Variants in IL6R observed in about 807,000 individuals in gnomAD.
IL6R encodes interleukin 6 receptor.
IL6R carries 38 observed loss-of-function variants against 48.3 expected under a neutral mutation model. The observed-to-expected ratio is 0.79, with a 90% CI of 0.61 to 1.03. IL6R has a LOEUF of 1.03. Among genes scored for constraint, IL6R ranks in the 50% least tolerant of loss-of-function variants. The pLI is 0.00. For synonymous variants in IL6R, 264 were observed against 256.2 expected (o/e 1.03, Z -0.29); for missense variants, 534 against 618.3 (o/e 0.86, Z 1.45).
chr1:154,427,014 G>A (rs771859835), intron 1 of IL6R, among the ~76,000 whole-genome samples: 4 of 151,858 alleles, frequency 2.6e-5, no homozygotes, highest in African/African-American at 9.7e-5. Flanking sequence ...CGCCTCCCTG[G>A]TTCAAGCAAT....
intron 1 of IL6R, among the ~76,000 whole-genome samples, chr1:154,411,095 G>C (rs1263832913): frequency 6.6e-6 from 1 of 152,174 alleles, no homozygotes; most frequent in Non-Finnish European, 1.5e-5. Flanking sequence ...CAGAGTCTCT[G>C]TCTCCCAGGC....
At chr1:154,439,408 G>C (rs901397736) in intron 6 of IL6R, among the ~76,000 whole-genome samples, 1 of 152,092 alleles carries the variant, frequency 6.6e-6, no homozygotes, top group East Asian at 1.9e-4. Context: ...TCTGCCTCCC[G>C]GGTTCAAGCA....
chr1:154,422,682 C>G (rs970504638), intron 1 of IL6R, among the ~76,000 whole-genome samples: 1 of 152,206 alleles, frequency 6.6e-6, no homozygotes, highest in Non-Finnish European at 1.5e-5. Flanking sequence ...ACAAATGCTC[C>G]GTTGATTGTG....
intron 6 of IL6R, among the ~76,000 whole-genome samples, chr1:154,442,437 A>G (rs1689988878): frequency 6.6e-6 from 1 of 152,098 alleles, no homozygotes; most frequent in African/African-American, 2.4e-5. Context: ...GGTGAGGCCG[A>G]CACGTGTGTG....
chr1:154,427,833 A>G (rs1689062705), intron 1 of IL6R, among the ~76,000 whole-genome samples: 2 of 152,134 alleles, frequency 1.3e-5, no homozygotes, highest in Admixed American at 6.5e-5. Context: ...ACAGCCTGCC[A>G]AGTATGAGAT....
intron 1 of IL6R, chr1:154,418,577 GA>G (rs1688484495): frequency 4.8e-6 from 1 of 209,550 alleles, no homozygotes; most frequent in Non-Finnish European, 8.3e-6. Context: ...CTGAGTCAGA[GA>G]AGGTTGCTGG....
chr1:154,407,339 C>T (rs1233471573), intron 1 of IL6R, among the ~76,000 whole-genome samples: 2 of 152,212 alleles, frequency 1.3e-5, no homozygotes, highest in Non-Finnish European at 2.9e-5. Context: ...CCTGTTGCTC[C>T]TGAGTGGATG....
At chr1:154,455,234 G>A (rs1690803602) in intron 9 of IL6R, among the ~76,000 whole-genome samples, 1 of 151,180 alleles carries the variant, frequency 6.6e-6, no homozygotes, top group Non-Finnish European at 1.5e-5. Context: ...TAGGAGAGAA[G>A]CCCAGCATGT....
At chr1:154,442,345 G>A (rs1046457340) in intron 6 of IL6R, among the ~76,000 whole-genome samples, 1 of 152,190 alleles carries the variant, frequency 6.6e-6, no homozygotes, top group African/African-American at 2.4e-5. Flanking sequence ...GTGTAGGAGG[G>A]TCCCAGACAG....
chr1:154,421,473 C>T (rs1478271466), intron 1 of IL6R, among the ~76,000 whole-genome samples: 3 of 152,156 alleles, frequency 2.0e-5, no homozygotes, highest in East Asian at 3.8e-4. Context: ...TCAGAAGGGG[C>T]CACAGAGGAA....
intron 5 of IL6R, 129 bp from the exon 6 acceptor site, chr1:154,435,840 G>A: frequency 1.3e-6 from 1 of 744,402 alleles, no homozygotes; most frequent in Non-Finnish European, 2.1e-6. Context: ...AGCCTCTGGG[G>A]TTGTGGGAGC....
intron 6 of IL6R, among the ~76,000 whole-genome samples, chr1:154,441,922 C>T (rs969080483): frequency 7.9e-5 from 12 of 152,054 alleles, no homozygotes; most frequent in Non-Finnish European, 1.5e-4. Flanking sequence ...TAGCACCAAT[C>T]TTGTTCCTTT....
chr1:154,409,997 T>C (rs1164803709), intron 1 of IL6R, among the ~76,000 whole-genome samples: 2 of 152,182 alleles, frequency 1.3e-5, no homozygotes, highest in African/African-American at 2.4e-5. Context: ...ATGTCCATCT[T>C]GGGCAGGAAA....
intron 5 of IL6R, 54 bp downstream of exon 5, chr1:154,435,210 A>G: frequency 6.4e-7 from 1 of 1,559,644 alleles, no homozygotes; most frequent in Non-Finnish European, 8.8e-7. Flanking sequence ...GCTTAGGCGT[A>G]GTAGAAAGGG....
intron 6 of IL6R, among the ~76,000 whole-genome samples, chr1:154,443,798 C>T (rs774704023): frequency 2.0e-5 from 3 of 152,178 alleles, no homozygotes; most frequent in Non-Finnish European, 2.9e-5. Context: ...GCCTGTCTCT[C>T]GAGCTTTGGA....
intron 1 of IL6R, among the ~76,000 whole-genome samples, chr1:154,421,443 G>A (rs1350242652): frequency 6.6e-6 from 1 of 152,180 alleles, no homozygotes; most frequent in East Asian, 1.9e-4. Flanking sequence ...CAGGCTCTTG[G>A]GTTGCAAAGG....
rs1299107854 is a variant in IL6R at position 154,439,759 on chromosome 1, CT to C, written c.949+3651del. On this transcript the variant is annotated intron_variant, in intron 6 of 9. Coordinates refer to ENST00000368485, the MANE Select transcript of IL6R (RefSeq NM_000565.4). Reference sequence around the variant, plus strand: ...ACAGTAACTTTCCTTTCACCCACTCCTTCCCCCAGCTCGTGGCAACCACCAG... The same window carrying C: ...ACAGTAACTTTCCTTTCACCCACTCCTCCCCCAGCTCGTGGCAACCACCAG... Among the ~76,000 whole-genome samples, 5 of 152,196 alleles carry C rather than the reference CT, an allele frequency of 3.3e-5. No homozygotes were observed. The East Asian group carries it at 7.7e-4, about 23-fold the overall frequency.
rs973125399 is a variant in IL6R, at chr1:154,465,266, G to C, written c.1293G>C (p.Pro431=). ...TGCTTGTTCCTCTCATCTCCCCACCGGTGTCCCCCAGCAGCCTGGGGTCTG... is the reference window on the plus strand; with the variant it reads ...TGCTTGTTCCTCTCATCTCCCCACCCGTGTCCCCCAGCAGCCTGGGGTCTG... ...TPVLVPLISP[P]VSPSSLGSDN... is the part of the protein sequence containing the mutation. The change falls in exon 10 of 10, where the codon CCG becomes CCC. Residue 431 remains proline (P), a synonymous_variant. Coordinates refer to ENST00000368485, the MANE Select transcript of IL6R (RefSeq NM_000565.4). The C allele has an allele frequency of 1.9e-6, 3 of 1,614,118 alleles. No homozygotes were observed. Among genetic ancestry groups the C allele is most frequent in the Non-Finnish European group, 2.5e-6 (3 of 1,180,024 alleles).
intron 6 of IL6R, among the ~76,000 whole-genome samples, chr1:154,443,716 C>T (rs1049499891): frequency 6.6e-6 from 1 of 152,230 alleles, no homozygotes; most frequent in Non-Finnish European, 1.5e-5. Context: ...AAGCAATTAG[C>T]ACAGAGCCTG....
Sources: allele counts gnomAD v4.1 joint callset (sites outside exome capture counted in the v4.1 genomes callset), GRCh38; gene constraint gnomAD v4.1.1; transcripts MANE v1.5; gene names NCBI Gene and HGNC (gene_info 2026-07-23, HGNC 2026-07-21).